The following PDK3 variants were observed in gnomAD, a reference collection of about 807,000 sequenced individuals.
PDK3 encodes pyruvate dehydrogenase kinase 3, also known as pyruvate dehydrogenase kinase, isozyme 3.
PDK3 carries 12 observed loss-of-function variants against 32.0 expected under a neutral mutation model. The ratio of observed to expected loss-of-function variants is 0.37; its 90% CI spans 0.24 to 0.61. The LOEUF (loss-of-function observed/expected upper bound fraction) is 0.61, where lower values mean the gene tolerates loss of function less well. PDK3 is among the 20% of genes least tolerant of loss of function. The pLI is 0.65. For missense variants in PDK3, 188 were observed against 316.9 expected, an observed-to-expected ratio of 0.59 and a Z score of 3.09; for synonymous variants, 122 against 116.3, an observed-to-expected ratio of 1.05 and a Z score of -0.31.
At chrX:24,491,136 A>G (rs1921546734) in intron 1 of PDK3, among the ~76,000 whole-genome samples, 1 of 110,152 alleles carries the variant, frequency 9.1e-6, no homozygotes, top group Non-Finnish European at 1.9e-5. Flanking sequence ...AACATGGTGA[A>G]ACCCTATCTC....
At chrX:24,529,029 T>A (rs1456827858) in intron 9 of PDK3, among the ~76,000 whole-genome samples, 1 of 112,612 alleles carries the variant, frequency 8.9e-6, no homozygotes, top group Non-Finnish European at 1.9e-5. Context: ...ATCATTTATT[T>A]GAGACAGAGT....
At chrX:24,478,610 A>G (rs1340014828) in intron 1 of PDK3, among the ~76,000 whole-genome samples, 2 of 112,186 alleles carry the variant, frequency 1.8e-5, no homozygotes, top group Non-Finnish European at 3.8e-5. Flanking sequence ...CATATCCCTC[A>G]AGGAGAACCC....
At chrX:24,541,185 A>G (rs1454379068) in exon 12 of PDK3, among the ~76,000 whole-genome samples, 1 of 109,003 alleles carries the variant, frequency 9.2e-6, no homozygotes, top group Non-Finnish European at 1.9e-5. Context: ...TGCTGGGATT[A>G]CAGGTTCGAG....
At chrX:24,475,460 C>A (rs1921090951) in intron 1 of PDK3, among the ~76,000 whole-genome samples, 1 of 110,608 alleles carries the variant, frequency 9.0e-6, no homozygotes. Context: ...AGTTTGAGAC[C>A]AGCTCGGGCA....
chrX:24,548,480 C>T (rs1396276125), exon 12 of PDK3: 1 of 112,199 alleles, frequency 8.9e-6, no homozygotes, highest in African/African-American at 3.2e-5. Flanking sequence ...TTTGAATAAT[C>T]TGGATAACTT....
intron 1 of PDK3, among the ~76,000 whole-genome samples, chrX:24,490,544 T>C: frequency 9.0e-6 from 1 of 111,731 alleles, no homozygotes; most frequent in Middle Eastern, 4.7e-3. Flanking sequence ...CTTTTTCATA[T>C]ATTTGCTGCC....
chrX:24,548,584 T>C (rs1320961768), exon 12 of PDK3: 1 of 112,426 alleles, frequency 8.9e-6, no homozygotes, highest in African/African-American at 3.2e-5. Flanking sequence ...AATGTCTAAC[T>C]CTGGCACACA....
exon 12 of PDK3, chrX:24,547,941 G>A (rs753923718): frequency 1.9e-4 from 21 of 112,688 alleles, no homozygotes; most frequent in Non-Finnish European, 3.8e-4. Context: ...AGACTATAGC[G>A]ATAAATCTTT....
intron 7 of PDK3, 23 bp from the exon 8 acceptor site, chrX:24,527,551 A>G: frequency 1.0e-6 from 1 of 954,296 alleles, no homozygotes; most frequent in South Asian, 2.2e-5. Context: ...AGTATGATTA[A>G]TAAAAAGATC....
chrX:24,522,464 T>TA (rs1325787185), intron 6 of PDK3, among the ~76,000 whole-genome samples: 1 of 111,230 alleles, frequency 9.0e-6, no homozygotes, highest in East Asian at 2.8e-4. Context: ...AAAATAAAAA[T>TA]AAAAAAACCC....
chrX:24,491,078 C>T (rs1303384997), intron 1 of PDK3, among the ~76,000 whole-genome samples: 2 of 109,430 alleles, frequency 1.8e-5, no homozygotes, highest in African/African-American at 3.3e-5. Context: ...TTTGGGAGGC[C>T]GAGGTGGGCG....
chrX:24,479,499 C>T (rs1921195244), intron 1 of PDK3, among the ~76,000 whole-genome samples: 1 of 111,664 alleles, frequency 9.0e-6, no homozygotes, highest in Non-Finnish European at 1.9e-5. Flanking sequence ...AAAATGGACT[C>T]TTGGCTGGGC....
At chrX:24,502,606 G>T (rs1196114610) in intron 3 of PDK3, among the ~76,000 whole-genome samples, 2 of 111,828 alleles carry the variant, frequency 1.8e-5, no homozygotes, top group Non-Finnish European at 3.8e-5. Context: ...GACACTTTAG[G>T]AGGCTGAGGT....
chrX:24,515,549 G>A (rs1922234054), intron 5 of PDK3, among the ~76,000 whole-genome samples: 1 of 111,991 alleles, frequency 8.9e-6, no homozygotes, highest in Non-Finnish European at 1.9e-5. Flanking sequence ...TTGTGAAGAT[G>A]TGTTGGCTTT....
chrX:24,537,808 A>G (rs1922812445), downstream of PDK3, among the ~76,000 whole-genome samples: 1 of 111,818 alleles, frequency 8.9e-6, no homozygotes, highest in Non-Finnish European at 1.9e-5. Context: ...ATTTTTTTCT[A>G]TGGAAGTGTC....
At chrX:24,494,934 T>C in intron 2 of PDK3, 51 bp downstream of exon 2, 2 of 1,094,198 alleles carry the variant, frequency 1.8e-6, no homozygotes, top group Non-Finnish European at 2.5e-6. Flanking sequence ...GCTGTGAACA[T>C]TTGGCAGCGA....
chrX:24,507,165 C>T (rs1316426271), intron 5 of PDK3, among the ~76,000 whole-genome samples: 2 of 111,074 alleles, frequency 1.8e-5, no homozygotes, highest in Non-Finnish European at 3.8e-5. Flanking sequence ...CAGTCACTCC[C>T]TTCTACCCTT....
intron 5 of PDK3, among the ~76,000 whole-genome samples, chrX:24,515,183 T>G (rs1341635740): frequency 8.9e-6 from 1 of 112,511 alleles, no homozygotes; most frequent in Non-Finnish European, 1.9e-5. Flanking sequence ...GGCTAGCTGG[T>G]GTATGTGAGT....
downstream of PDK3, among the ~76,000 whole-genome samples, chrX:24,534,802 G>A (rs1377303662): frequency 8.9e-6 from 1 of 111,751 alleles, no homozygotes; most frequent in Non-Finnish European, 1.9e-5. Flanking sequence ...ATTTAAAAAG[G>A]TAAAATTAGC....
Sources: allele counts gnomAD v4.1 joint callset (sites outside exome capture counted in the v4.1 genomes callset), GRCh38; gene constraint gnomAD v4.1.1; transcripts MANE v1.5; gene names NCBI Gene and HGNC (gene_info 2026-07-23, HGNC 2026-07-21).